Variants in PACRG observed in about 807,000 individuals in gnomAD.
PACRG encodes parkin coregulated.
PACRG carries 29 observed loss-of-function variants against 29.7 expected under a neutral mutation model. The ratio of observed to expected loss-of-function variants is 0.98; its 90% confidence interval spans 0.73 to 1.33. The LOEUF is 1.33. PACRG is among the 40% of genes most tolerant of loss of function. PACRG has a pLI of 0.00. For synonymous variants in PACRG, 116 were observed against 118.7 expected, an observed-to-expected ratio of 0.98 and a Z score of 0.15; for missense variants, 279 against 316.2, an observed-to-expected ratio of 0.88 and a Z score of 0.89.
At chr6:162,977,374 A>G (rs1802043140) in intron 2 of PACRG, among the ~76,000 whole-genome samples, 1 of 149,566 alleles carries the variant, frequency 6.7e-6, no homozygotes, top group South Asian at 2.1e-4. Context: ...CATATAAACA[A>G]GATACCATTT....
chr6:163,149,093 G>A (rs891100350), intron 4 of PACRG, among the ~76,000 whole-genome samples: 7 of 151,758 alleles, frequency 4.6e-5, no homozygotes, highest in African/African-American at 1.7e-4. Context: ...CTGCAGGGCC[G>A]TGGCTGGCTT....
chr6:163,169,016 C>A (rs1778945930), intron 4 of PACRG, among the ~76,000 whole-genome samples: 2 of 152,200 alleles, frequency 1.3e-5, no homozygotes, highest in Non-Finnish European at 1.5e-5. Flanking sequence ...TTTCCTCTTT[C>A]TTTTAAAACC....
intron 4 of PACRG, among the ~76,000 whole-genome samples, chr6:163,221,972 C>T (rs934474054): frequency 2.0e-5 from 3 of 152,184 alleles, no homozygotes; most frequent in East Asian, 3.8e-4. Flanking sequence ...AGAATACAGA[C>T]AGGCTGCACC....
At chr6:163,007,755 C>T (rs973363792) in intron 2 of PACRG, among the ~76,000 whole-genome samples, 4 of 152,260 alleles carry the variant, frequency 2.6e-5, no homozygotes, top group Non-Finnish European at 4.4e-5. Flanking sequence ...TTAATCAGGT[C>T]GCTCTTGCTC....
intron 1 of PACRG, among the ~76,000 whole-genome samples, chr6:162,761,801 G>T (rs1423558120): frequency 6.6e-6 from 1 of 151,914 alleles, no homozygotes; most frequent in East Asian, 1.9e-4. Context: ...GCTGGGCATG[G>T]TGGTTCACGC....
At chr6:162,787,429 A>G (rs1784542822) in intron 1 of PACRG, among the ~76,000 whole-genome samples, 1 of 151,224 alleles carries the variant, frequency 6.6e-6, no homozygotes, top group Non-Finnish European at 1.5e-5. Context: ...GCATATATAT[A>G]TACACACACA....
At chr6:162,786,999 C>T (rs1784512828) in intron 1 of PACRG, among the ~76,000 whole-genome samples, 1 of 152,044 alleles carries the variant, frequency 6.6e-6, no homozygotes, top group East Asian at 1.9e-4. Context: ...GAAAGAGTAG[C>T]AGTTTTGCCA....
chr6:163,308,686 T>G (rs991335250), intron 4 of PACRG, among the ~76,000 whole-genome samples: 3 of 140,536 alleles, frequency 2.1e-5, no homozygotes, highest in Admixed American at 2.1e-4. Flanking sequence ...AAAAGGAAAA[T>G]TTATTCAGAA....
chr6:163,000,000 T>C (rs1804435539), intron 2 of PACRG, among the ~76,000 whole-genome samples: 1 of 152,198 alleles, frequency 6.6e-6, no homozygotes, highest in African/African-American at 2.4e-5. Flanking sequence ...TCCAACTGGA[T>C]GTACTTGTAA....
intron 2 of PACRG, among the ~76,000 whole-genome samples, chr6:162,859,397 A>C (rs773319398): frequency 1.3e-5 from 2 of 152,222 alleles, no homozygotes; most frequent in Non-Finnish European, 2.9e-5. Flanking sequence ...CATGAACCCA[A>C]AGGAACTACC....
intron 2 of PACRG, among the ~76,000 whole-genome samples, chr6:162,886,626 TAC>T (rs1794356642): frequency 1.3e-5 from 2 of 152,200 alleles, no homozygotes; most frequent in Admixed American, 1.3e-4. Flanking sequence ...GAATTTTTTT[TAC>T]AGTTTTCAAG....
At chr6:163,271,162 A>T (rs372828109) in intron 4 of PACRG, among the ~76,000 whole-genome samples, 31 of 152,236 alleles carry the variant, frequency 2.0e-4, no homozygotes, top group African/African-American at 5.8e-4. Flanking sequence ...GCACGGGAGA[A>T]AGATGAAGGC....
At position 163,314,824 on chromosome 6, in the gene PACRG, C is replaced by T; in HGVS notation, c.614-3C>T. ...GGCCTCTTTGTGTGTTTGCATGCAC[C>T]AGTGAACTCCGGAGACGGCATTGAC... is the stretch of plus-strand genomic sequence containing the variant. On this transcript the variant is annotated splice_region_variant and splice_polypyrimidine_tract_variant and intron_variant, in intron 4 of 4. Coordinates refer to ENST00000366888, the MANE Select transcript of PACRG (RefSeq NM_001080379.2). 5.0e-6 allele frequency: 8 copies of T among 1,613,488 alleles called. No homozygotes were observed. The highest frequency in any genetic ancestry group is 2.2e-5 in the East Asian group (1 of 44,886).
At chr6:163,264,089 A>G (rs1783437025) in intron 4 of PACRG, among the ~76,000 whole-genome samples, 1 of 152,220 alleles carries the variant, frequency 6.6e-6, no homozygotes, top group Non-Finnish European at 1.5e-5. Flanking sequence ...CCCAATTTAT[A>G]CCCAGAATCC....
chr6:162,817,022 T>C lies in PACRG; in HGVS notation c.291+2741T>C, dbSNP rs556198853. 5.9e-5 allele frequency among the ~76,000 whole-genome samples: 9 copies of C among 152,282 alleles called. 1 individual carries two copies. The South Asian group carries it at 1.9e-3, about 32-fold the overall frequency. On this transcript the variant is annotated intron_variant, in intron 2 of 4. Transcript: ENST00000366888. ...AACTCTCCTCAGACACCCTAGAGAC[T>C]CCAAGTGGACTTGTGAGCACCTGAA...
intron 4 of PACRG, among the ~76,000 whole-genome samples, chr6:163,251,993 C>T (rs1421712661): frequency 6.6e-6 from 1 of 152,190 alleles, no homozygotes; most frequent in Non-Finnish European, 1.5e-5. Context: ...AGACAAGGCA[C>T]CTGTATACCT....
intron 4 of PACRG, among the ~76,000 whole-genome samples, chr6:163,194,170 G>A (rs912171425): frequency 2.6e-5 from 4 of 152,134 alleles, no homozygotes; most frequent in Non-Finnish European, 5.9e-5. Flanking sequence ...GACAACAGAT[G>A]AGGCCATCTG....
chr6:163,238,818 C>CA (rs555468298), intron 4 of PACRG, among the ~76,000 whole-genome samples: 2 of 151,990 alleles, frequency 1.3e-5, no homozygotes, highest in African/African-American at 2.4e-5. Flanking sequence ...GTAAAAGGCT[C>CA]AAAAAAATGG....
At chr6:162,990,585 G>A (rs1803367479) in intron 2 of PACRG, among the ~76,000 whole-genome samples, 3 of 92,920 alleles carry the variant, frequency 3.2e-5, no homozygotes, top group Admixed American at 2.1e-4. Flanking sequence ...TGATGGGGTT[G>A]TTTGTTTTTT....
Sources: allele counts gnomAD v4.1 joint callset (sites outside exome capture counted in the v4.1 genomes callset), GRCh38; gene constraint gnomAD v4.1.1; transcripts MANE v1.5; gene names NCBI Gene and HGNC (gene_info 2026-07-23, HGNC 2026-07-21).